Variants in ARNT2 observed in about 807,000 individuals in gnomAD.
ARNT2 encodes ARNT protein 2.
In ARNT2, 36 loss-of-function variants were observed where a neutral mutation model predicts 91.7. The ratio of observed to expected loss-of-function variants is 0.39; its 90% CI spans 0.30 to 0.52. The LOEUF is 0.52. ARNT2 is among the 20% of genes least tolerant of loss of function. ARNT2 has a pLI of 0.72. For missense variants in ARNT2, 775 were observed against 939.3 expected (o/e 0.83, Z 2.29); for synonymous variants, 365 against 347.1 (o/e 1.05, Z -0.57).
chr15:80,531,190 G>A (rs1468566498), intron 8 of ARNT2, among the ~76,000 whole-genome samples: 1 of 152,224 alleles, frequency 6.6e-6, no homozygotes, highest in African/African-American at 2.4e-5. Context: ...TCCCCGGACA[G>A]CCTCCACCCA....
intron 8 of ARNT2, among the ~76,000 whole-genome samples, chr15:80,542,965 C>T (rs1239514409): frequency 6.6e-6 from 1 of 151,846 alleles, no homozygotes; most frequent in African/African-American, 2.4e-5. Context: ...AGTGTAGTGG[C>T]ACCTGCCTGT....
At chr15:80,457,708 A>G (rs980333490) in intron 2 of ARNT2, among the ~76,000 whole-genome samples, 1 of 152,248 alleles carries the variant, frequency 6.6e-6, no homozygotes, top group African/African-American at 2.4e-5. Flanking sequence ...ATTCCCAGCC[A>G]TAGAATTAGT....
intron 5 of ARNT2, among the ~76,000 whole-genome samples, chr15:80,492,434 A>C (rs535610395): frequency 6.6e-6 from 1 of 152,114 alleles, no homozygotes; most frequent in South Asian, 2.1e-4. Context: ...GTCCTTCACT[A>C]CCTGATGTCC....
chr15:80,526,391 C>T (rs1242487989), intron 8 of ARNT2, among the ~76,000 whole-genome samples: 1 of 152,228 alleles, frequency 6.6e-6, no homozygotes, highest in Non-Finnish European at 1.5e-5. Context: ...GCTTCTACCC[C>T]ATTGTTATCA....
rs1404505495 is a variant in ARNT2 at position 80,593,892 on chromosome 15, CA to C, written c.*195del. The C allele has an allele frequency of 1.0e-5, 6 of 585,800 alleles. No homozygotes were observed. The highest frequency in any genetic ancestry group is 3.0e-5 in the Admixed American group (1 of 33,844). The allele number at this position is 585,800 out of a possible 1,614,324, so 36.3% of individuals were successfully genotyped here. A position where few individuals can be genotyped will look rare whatever the true frequency, so the allele number is the denominator to read the frequency against. On this transcript the variant is annotated 3_prime_UTR_variant, in exon 19 of 19. Coordinates refer to ENST00000303329, the MANE Select transcript of ARNT2 (RefSeq NM_014862.4). ...CAGCCGCGGCTGCTCGGCCACTGAC[CA>C]GGGGCCCTGGCAGACATTAGGGGAT...
At chr15:80,450,035 A>G (rs573876616) in intron 1 of ARNT2, among the ~76,000 whole-genome samples, 9 of 152,206 alleles carry the variant, frequency 5.9e-5, no homozygotes, top group African/African-American at 9.6e-5. Flanking sequence ...GGTCTGGGAA[A>G]GGGTGCCTGA....
chr15:80,519,047 ATAG>A (rs1343026529), intron 8 of ARNT2, among the ~76,000 whole-genome samples: 1 of 152,182 alleles, frequency 6.6e-6, no homozygotes, highest in African/African-American at 2.4e-5. Flanking sequence ...ATACATTCAT[ATAG>A]TAAAGTTAAA....
At chr15:80,494,853 T>C (rs967183338) in intron 5 of ARNT2, among the ~76,000 whole-genome samples, 6 of 152,190 alleles carry the variant, frequency 3.9e-5, no homozygotes, top group Non-Finnish European at 8.8e-5. Context: ...GCTCATGAGA[T>C]GATGATCTCT....
intron 4 of ARNT2, among the ~76,000 whole-genome samples, chr15:80,474,789 A>G (rs1313377875): frequency 6.6e-6 from 1 of 151,256 alleles, no homozygotes; most frequent in Non-Finnish European, 1.5e-5. Flanking sequence ...ACTAATGAAG[A>G]TGGGCTAACC....
At chr15:80,443,287 G>A (rs1896223736) in intron 1 of ARNT2, among the ~76,000 whole-genome samples, 2 of 152,210 alleles carry the variant, frequency 1.3e-5, no homozygotes, top group Non-Finnish European at 2.9e-5. Flanking sequence ...GGAGAGGTAG[G>A]CAGTGGCCTG....
chr15:80,471,618 G>A (rs965490951), intron 4 of ARNT2, among the ~76,000 whole-genome samples: 1 of 152,160 alleles, frequency 6.6e-6, no homozygotes, highest in African/African-American at 2.4e-5. Context: ...GCATTTGCTG[G>A]GTGCCTGGTG....
chr15:80,581,511 G>T, intron 17 of ARNT2, 107 bp downstream of exon 17: 1 of 1,445,040 alleles, frequency 6.9e-7, no homozygotes, highest in East Asian at 2.3e-5. Flanking sequence ...ACCAAAACAA[G>T]GTCTGGAGGT....
intron 8 of ARNT2, among the ~76,000 whole-genome samples, chr15:80,536,904 A>G (rs1304994856): frequency 6.6e-6 from 1 of 152,158 alleles, no homozygotes; most frequent in African/African-American, 2.4e-5. Flanking sequence ...TTTATCTTAC[A>G]TGACAGGCTA....
At position 80,416,626 on chromosome 15, in the gene ARNT2, T is replaced by TTTTG. The variant is rs143681861; in HGVS notation, c.31+12096_31+12099dup. 9.7e-3 allele frequency among the ~76,000 whole-genome samples: 1,477 copies of TTTTG among 151,964 alleles called. 17 individuals are homozygous for TTTTG. Among genetic ancestry groups the TTTTG allele is most frequent in the African/African-American group, 0.034 (1,413 of 41,496 alleles). On this transcript the variant is annotated intron_variant, in intron 1 of 18. Coordinates refer to ENST00000303329, the MANE Select transcript of ARNT2 (RefSeq NM_014862.4). Reference sequence around the variant, plus strand: ...AATTCTGGACTAATTTCTCAGTTTTTTTTGTTTGTTTGTTTGTTTTTTTCT... The same window carrying TTTTG: ...AATTCTGGACTAATTTCTCAGTTTTTTTTGTTTGTTTGTTTGTTTGTTTTTTTCT...
At chr15:80,574,518 G>A (rs1338327195) in intron 13 of ARNT2, among the ~76,000 whole-genome samples, 3 of 152,190 alleles carry the variant, frequency 2.0e-5, no homozygotes, top group African/African-American at 7.2e-5. Context: ...ATACTCAGAG[G>A]CCAGCAAGAG....
chr15:80,413,669 G>GT (rs1895723267), intron 1 of ARNT2, among the ~76,000 whole-genome samples: 1 of 152,372 alleles, frequency 6.6e-6, no homozygotes, highest in South Asian at 2.1e-4. Context: ...AGACTCTGAG[G>GT]TAGGACAGCC....
In ARNT2 at chr15:80,404,466, C is replaced by G. The variant is rs1255002023; in HGVS notation, c.-50C>G. 1.7e-6 allele frequency: 2 copies of G among 1,187,964 alleles called. No individual in the cohort carries two copies. The highest frequency in any genetic ancestry group is 2.1e-6 in the Non-Finnish European group (2 of 940,738). 73.6% of individuals were successfully genotyped at this position (1,187,964 alleles called of 1,614,324 possible). On this transcript the variant is annotated 5_prime_UTR_variant, in exon 1 of 19. Transcript: ENST00000303329. The surrounding 1 kb of genome is among the most constrained non-coding windows in gnomAD (Gnocchi z 5.5). ...CCGGGGCTGAGCGCCGGGCTCCGCG[C>G]CGCCCCTCCCGCGCCCCTGCCAAGC...
intron 3 of ARNT2, among the ~76,000 whole-genome samples, chr15:80,459,201 G>T (rs981334393): frequency 6.6e-6 from 1 of 152,144 alleles, no homozygotes; most frequent in Non-Finnish European, 1.5e-5. Flanking sequence ...TTCTGCTTTG[G>T]TTGAAACAGT....
rs1341819822 is a variant in ARNT2 at position 80,593,753 on chromosome 15, T to C, written c.*55T>C. The C allele has an allele frequency of 1.3e-6, 2 of 1,498,558 alleles. No individual in the cohort carries two copies. Among genetic ancestry groups the C allele is most frequent in the African/African-American group, 2.8e-5 (2 of 72,452 alleles). The allele number at this position is 1,498,558 out of a possible 1,614,324, so 92.8% of individuals were successfully genotyped here. ...AGTGCCACCCATACTGTGATGTCGA[T>C]GCCCATGTGAATGAGGCCCACCCTC... On this transcript the variant is annotated 3_prime_UTR_variant, in exon 19 of 19. Coordinates refer to ENST00000303329, the MANE Select transcript of ARNT2 (RefSeq NM_014862.4).
Sources: allele counts gnomAD v4.1 joint callset (sites outside exome capture counted in the v4.1 genomes callset), GRCh38; gene constraint gnomAD v4.1.1; non-coding constraint Gnocchi (gnomAD v3.1); transcripts MANE v1.5; gene names NCBI Gene and HGNC (gene_info 2026-07-23, HGNC 2026-07-21).